Variants in FEZ2 observed in about 807,000 individuals in gnomAD.
FEZ2 encodes the protein fasciculation and elongation protein zeta-2.
FEZ2 carries 51 observed loss-of-function variants against 40.4 expected under a neutral mutation model. That is an observed-to-expected ratio of 1.26 (90% confidence interval 1.01 to 1.59). FEZ2 has a LOEUF of 1.59. Among genes scored for constraint, FEZ2 ranks in the 40% most tolerant of loss-of-function variants. FEZ2 has a pLI of 0.00. For synonymous variants in FEZ2, 242 were observed against 172.0 expected, an observed-to-expected ratio of 1.41 and a Z score of -3.18; for missense variants, 640 against 438.3, an observed-to-expected ratio of 1.46 and a Z score of -4.11.
intron 7 of FEZ2, among the ~76,000 whole-genome samples, chr2:36,554,555 A>T (rs1454908505): frequency 6.6e-6 from 1 of 151,140 alleles, no homozygotes; most frequent in Admixed American, 6.6e-5. Context: ...GTCAGGTATT[A>T]AAAAAAAAAT....
rs1667860222 is a variant in FEZ2, at chr2:36,553,077, A to G, written c.*86T>C. On this transcript the variant is annotated 3_prime_UTR_variant, in exon 8 of 8. Coordinates refer to ENST00000405912, the MANE Select transcript of FEZ2 (RefSeq NM_005102.3). ...CAAGTTCAAATGTGCTGAGTTTCCAATAGCAAGAAGGGTAATGGTAGCCAG... is the reference window on the plus strand; with the variant it reads ...CAAGTTCAAATGTGCTGAGTTTCCAGTAGCAAGAAGGGTAATGGTAGCCAG... 3 of 1,129,938 alleles carry G rather than the reference A, an allele frequency of 2.7e-6. No homozygotes were observed. The highest frequency in any genetic ancestry group is 1.4e-5 in the South Asian group (1 of 71,960). The allele number at this position is 1,129,938 out of a possible 1,614,324, so 70.0% of individuals were successfully genotyped here.
Position 36,565,555 on chromosome 2 carries a change from C to T in FEZ2, c.904-7042G>A, listed in dbSNP as rs541685183. Among the ~76,000 whole-genome samples, 10 of 152,270 alleles carry T rather than the reference C, an allele frequency of 6.6e-5. No individual in the cohort carries two copies. The East Asian group carries it at 1.4e-3, about 21-fold the overall frequency. On this transcript the variant is annotated intron_variant, in intron 5 of 7. Coordinates refer to ENST00000405912, the MANE Select transcript of FEZ2 (RefSeq NM_005102.3). ...CAAGTGGTGGCACACACCACCCCCT[C>T]TGCTGTCTGTGCCTGTTCCCTCCTC...
At chr2:36,578,570 C>G (rs971827620) in intron 5 of FEZ2, 27 bp downstream of exon 5, 1 of 1,594,302 alleles carries the variant, frequency 6.3e-7, no homozygotes, top group Non-Finnish European at 8.5e-7. Context: ...TTCCAGTGTT[C>G]GACGCCTCCT....
chr2:36,574,882 T>G (rs555903590), intron 5 of FEZ2, among the ~76,000 whole-genome samples: 2 of 152,288 alleles, frequency 1.3e-5, no homozygotes, highest in East Asian at 3.9e-4. Context: ...CCTGCCACTC[T>G]CTTGAGTTGC....
intron 4 of FEZ2, among the ~76,000 whole-genome samples, chr2:36,580,025 C>T (rs1034689401): frequency 1.3e-5 from 2 of 152,256 alleles, no homozygotes; most frequent in East Asian, 3.9e-4. Context: ...GAAAAGGCAG[C>T]CATCTGCATG....
At chr2:36,588,030 T>C (rs1235161342) in intron 2 of FEZ2, among the ~76,000 whole-genome samples, 2 of 150,450 alleles carry the variant, frequency 1.3e-5, no homozygotes, top group Non-Finnish European at 3.0e-5. Flanking sequence ...GTAAGGCTGT[T>C]TTTTTTTTTA....
intron 5 of FEZ2, among the ~76,000 whole-genome samples, chr2:36,576,040 T>G (rs1668560298): frequency 6.6e-6 from 1 of 152,200 alleles, no homozygotes; most frequent in Admixed American, 6.5e-5. Flanking sequence ...GGTCACCATT[T>G]TTTAGGAATT....
rs369070277 is a variant in FEZ2 at position 36,568,549 on chromosome 2, T to C, written c.904-10036A>G. Among the ~76,000 whole-genome samples the C allele has an allele frequency of 2.0e-4, 30 of 152,326 alleles. No homozygotes were observed. The East Asian group carries it at 2.1e-3, about 11-fold the overall frequency. Reference sequence around the variant, plus strand: ...TTCTGAATCTGAAGTTATTTTGTAATTGATTCATCCATTTCCCACTACGTC... The same window carrying C: ...TTCTGAATCTGAAGTTATTTTGTAACTGATTCATCCATTTCCCACTACGTC... On this transcript the variant is annotated intron_variant, in intron 5 of 7. Coordinates refer to ENST00000405912, the MANE Select transcript of FEZ2 (RefSeq NM_005102.3).
chr2:36,598,098 C>G lies in FEZ2; in HGVS notation c.45G>C (p.Glu15Asp). Residue 15 changes from glutamate (E) to aspartate (D), a missense_variant, in exon 1 of 8, where the codon GAG becomes GAC. Transcript: ENST00000405912. ...GDWQDFYEFQ[E>D]PARSLLDQEN... ...CCTGGTCCAGGAGGCTCCGGGCCGG[C>G]TCCTGGAACTCATAGAAATCCTGCC... 2 of 1,493,058 alleles carry G rather than the reference C, an allele frequency of 1.3e-6. No individual in the cohort carries two copies. Among genetic ancestry groups the G allele is most frequent in the Non-Finnish European group, 1.8e-6 (2 of 1,128,620 alleles). 92.5% of individuals were successfully genotyped at this position (1,493,058 alleles called of 1,614,324 possible). A position where few individuals can be genotyped will look rare whatever the true frequency, so the allele number is the denominator to read the frequency against.
rs186819040 is a variant in FEZ2, at chr2:36,583,235, A to G, written c.492+118T>C. On this transcript the variant is annotated intron_variant, in intron 3 of 7. Transcript: ENST00000405912. ...AAGAGTTAACTATTAAGCCTGTATA[A>G]CCAGAAAAAAATAGGAAAGATAAGT... 1,120 of 635,016 alleles carry G rather than the reference A, an allele frequency of 1.8e-3. 3 individuals carry two copies. Among genetic ancestry groups the G allele is most frequent in the Non-Finnish European group, 2.6e-3 (933 of 354,578 alleles). The allele number at this position is 635,016 out of a possible 1,614,324, so 39.3% of individuals were successfully genotyped here.
intron 2 of FEZ2, among the ~76,000 whole-genome samples, chr2:36,588,341 T>C (rs1297523508): frequency 6.6e-6 from 1 of 152,210 alleles, no homozygotes; most frequent in Non-Finnish European, 1.5e-5. Context: ...TAAGGCTTTT[T>C]AATGTCAGTA....
chr2:36,584,730 C>T (rs1425055494), intron 2 of FEZ2, among the ~76,000 whole-genome samples: 1 of 152,142 alleles, frequency 6.6e-6, no homozygotes, highest in African/African-American at 2.4e-5. Flanking sequence ...GGATATATGT[C>T]TAAAGCTGAG....
rs528773824 is a variant in FEZ2, at chr2:36,563,213, C to T, written c.904-4700G>A. 2.5e-4 allele frequency among the ~76,000 whole-genome samples: 38 copies of T among 152,270 alleles called. 1 individual carries two copies. Among genetic ancestry groups the T allele is most frequent in the African/African-American group, 9.1e-4 (38 of 41,540 alleles). On this transcript the variant is annotated intron_variant, in intron 5 of 7. Coordinates refer to ENST00000405912, the MANE Select transcript of FEZ2 (RefSeq NM_005102.3). Reference sequence around the variant, plus strand: ...CTACTTGTGAAAGATGGCTTTTGTGCCACCAGAATTTTAGGCTTAGGGGAA... The same window carrying T: ...CTACTTGTGAAAGATGGCTTTTGTGTCACCAGAATTTTAGGCTTAGGGGAA...
intron 5 of FEZ2, among the ~76,000 whole-genome samples, chr2:36,562,774 T>G (rs980301860): frequency 6.6e-6 from 1 of 152,252 alleles, no homozygotes; most frequent in Non-Finnish European, 1.5e-5. Flanking sequence ...ATAACAATTA[T>G]GAGAAACTAT....
chr2:36,558,549 C>T (rs1294137843), intron 5 of FEZ2, 36 bp from the exon 6 acceptor site: 4 of 1,303,860 alleles, frequency 3.1e-6, no homozygotes, highest in African/African-American at 1.5e-5. Flanking sequence ...TCACTTAAAT[C>T]GGAATTACCT....
chr2:36,553,864 C>T (rs1009968918), intron 7 of FEZ2, among the ~76,000 whole-genome samples: 7 of 152,262 alleles, frequency 4.6e-5, no homozygotes, highest in Admixed American at 1.3e-4. Context: ...ATCCCCCTCC[C>T]GGGCAAAGTG....
At chr2:36,573,906 T>G (rs1156399965) in intron 5 of FEZ2, among the ~76,000 whole-genome samples, 1 of 152,246 alleles carries the variant, frequency 6.6e-6, no homozygotes, top group African/African-American at 2.4e-5. Context: ...TGGGCTACAC[T>G]TCTACACAAT....
intron 2 of FEZ2, among the ~76,000 whole-genome samples, chr2:36,586,688 C>G (rs1051029190): frequency 6.6e-6 from 1 of 151,542 alleles, no homozygotes; most frequent in African/African-American, 2.4e-5. Flanking sequence ...CACCTGTAAT[C>G]CCAACACTTT....
intron 5 of FEZ2, among the ~76,000 whole-genome samples, chr2:36,563,234 G>A (rs1410864105): frequency 6.6e-6 from 1 of 152,178 alleles, no homozygotes; most frequent in East Asian, 1.9e-4. Flanking sequence ...TTAGGCTTAG[G>A]GGAAATTAGT....
Sources: gnomAD v4.1 joint callset for allele counts (sites outside exome capture counted in the v4.1 genomes callset) on GRCh38, gnomAD v4.1.1 for gene constraint, MANE v1.5 for transcripts, NCBI Gene and HGNC (gene_info 2026-07-23, HGNC 2026-07-21) for gene names.